Variants in TRMT11 observed in about 807,000 individuals in gnomAD.
TRMT11 encodes tRNA (guanine(10)-N(2))-methyltransferase TRMT11.
TRMT11 carries 53 observed loss-of-function variants against 62.8 expected under a neutral mutation model. The observed-to-expected ratio is 0.84, with a 90% CI of 0.68 to 1.06. The LOEUF is 1.06. Ranked by LOEUF, TRMT11 falls within the 50% of genes least tolerant of loss-of-function variation. The pLI, the probability that TRMT11 is intolerant of heterozygous loss-of-function variation, is 0.00. For missense variants in TRMT11, 556 were observed against 553.4 expected (o/e 1.00, Z -0.05); for synonymous variants, 188 against 190.3 (o/e 0.99, Z 0.10).
intron 12 of TRMT11, among the ~76,000 whole-genome samples, chr6:126,022,126 C>T (rs550794048): frequency 6.7e-6 from 1 of 148,360 alleles, no homozygotes; most frequent in East Asian, 2.0e-4. Context: ...TCACTGCAAC[C>T]TCCACCTTCT....
intron 17 of TRMT11, among the ~76,000 whole-genome samples, chr6:126,068,638 A>C (rs1355375994): frequency 2.0e-5 from 3 of 152,306 alleles, no homozygotes. Context: ...AATCATTGTA[A>C]CTTTAGATGT....
intron 21 of TRMT11, among the ~76,000 whole-genome samples, chr6:126,126,173 C>A (rs1777716399): frequency 6.6e-6 from 1 of 151,984 alleles, no homozygotes. Flanking sequence ...AATGGCAGTG[C>A]TATTTAAAAA....
intron 21 of TRMT11, among the ~76,000 whole-genome samples, chr6:126,124,035 T>C (rs189606865): frequency 2.0e-5 from 3 of 152,218 alleles, no homozygotes; most frequent in African/African-American, 7.2e-5. Context: ...TCTCTGAGTC[T>C]CTTTCTAGGT....
At chr6:126,027,680 A>C (rs1331008482) in intron 12 of TRMT11, among the ~76,000 whole-genome samples, 1 of 152,188 alleles carries the variant, frequency 6.6e-6, no homozygotes, top group East Asian at 1.9e-4. Context: ...ATTATTTAAA[A>C]GAGGAATACT....
At chr6:126,177,854 A>G (rs1356796299) in intron 1 of TRMT11, among the ~76,000 whole-genome samples, 1 of 152,102 alleles carries the variant, frequency 6.6e-6, no homozygotes, top group Non-Finnish European at 1.5e-5. Context: ...GCCTCTCTCA[A>G]TGCAAATATA....
the TRMT11 span, among the ~76,000 whole-genome samples, chr6:126,219,674 G>A: frequency 6.6e-6 from 1 of 152,160 alleles, no homozygotes; most frequent in Admixed American, 6.5e-5. Context: ...CAGAGTTGCA[G>A]TTTTCTGTGT....
At chr6:126,226,757 C>A in the TRMT11 span, among the ~76,000 whole-genome samples, 3 of 152,268 alleles carry the variant, frequency 2.0e-5, no homozygotes, top group East Asian at 5.8e-4. Context: ...TTAAAATATA[C>A]ATTTTTAATG....
At chr6:126,230,675 TAGG>T in the TRMT11 span, among the ~76,000 whole-genome samples, 5 of 152,206 alleles carry the variant, frequency 3.3e-5, no homozygotes, top group African/African-American at 4.8e-5. Context: ...ATATTTTTAC[TAGG>T]AGGAGAAGAT....
chr6:126,107,261 T>C (rs1777474738), intron 17 of TRMT11, among the ~76,000 whole-genome samples: 1 of 152,224 alleles, frequency 6.6e-6, no homozygotes, highest in African/African-American at 2.4e-5. Context: ...TTGTTGGTTA[T>C]GACTTTGCCT....
chr6:126,033,937 C>G (rs529315147), intron 12 of TRMT11, among the ~76,000 whole-genome samples: 1 of 152,214 alleles, frequency 6.6e-6, no homozygotes, highest in Admixed American at 6.5e-5. Flanking sequence ...ACTGATAGGA[C>G]AGGAAATTGG....
chr6:126,154,697 A>G (rs1478325674), intron 21 of TRMT11, among the ~76,000 whole-genome samples: 1 of 152,182 alleles, frequency 6.6e-6, no homozygotes, highest in African/African-American at 2.4e-5. Context: ...CCTCAGTGGC[A>G]TCTGGGAACA....
intron 17 of TRMT11, among the ~76,000 whole-genome samples, chr6:126,089,962 G>C (rs1291288798): frequency 1.3e-5 from 2 of 152,190 alleles, no homozygotes; most frequent in African/African-American, 4.8e-5. Context: ...TTCAACTCCT[G>C]GTTCTTGAAC....
intron 1 of TRMT11, among the ~76,000 whole-genome samples, chr6:126,191,342 T>C (rs913197110): frequency 6.6e-5 from 10 of 152,146 alleles, no homozygotes; most frequent in Non-Finnish European, 1.5e-4. Context: ...ATTCTGGTTA[T>C]TAACCCCTTG....
chr6:126,039,704 A>G (rs1221780144), downstream of TRMT11, among the ~76,000 whole-genome samples: 1 of 152,044 alleles, frequency 6.6e-6, no homozygotes, highest in Non-Finnish European at 1.5e-5. Context: ...CACTATACCC[A>G]TTAATTCAGG....
chr6:126,155,220 C>T lies in TRMT11; in HGVS notation c.*1824-19605C>T, dbSNP rs114640874. ...GAGCAGGCATTTTATATGGCAAGAG[C>T]GGGAGTAAGACTGGCAGGGAGGTGC... On this transcript the variant is annotated intron_variant and NMD_transcript_variant, in intron 21 of 22. Transcript: ENST00000648977. Among the ~76,000 whole-genome samples, 1,276 of 152,184 alleles carry T rather than the reference C, an allele frequency of 8.4e-3. 15 individuals carry two copies. Among genetic ancestry groups the T allele is most frequent in the African/African-American group, 0.03 (1,227 of 41,508 alleles).
the TRMT11 span, among the ~76,000 whole-genome samples, chr6:126,253,350 C>T: frequency 1.3e-5 from 2 of 152,134 alleles, no homozygotes; most frequent in Non-Finnish European, 2.9e-5. Context: ...AAGGATTTTC[C>T]TGAGGCTGTT....
intron 21 of TRMT11, among the ~76,000 whole-genome samples, chr6:126,155,223 G>A (rs1045234944): frequency 2.0e-5 from 3 of 152,162 alleles, no homozygotes; most frequent in Admixed American, 2.0e-4. Flanking sequence ...GCAAGAGCGG[G>A]AGTAAGACTG....
At chr6:126,102,499 T>C (rs937628391) in intron 17 of TRMT11, among the ~76,000 whole-genome samples, 1 of 134,394 alleles carries the variant, frequency 7.4e-6, no homozygotes, top group African/African-American at 3.3e-5. Flanking sequence ...AAGCTTTGTT[T>C]TGGACCTGGT....
chr6:126,230,050 G>T, the TRMT11 span, among the ~76,000 whole-genome samples: 88 of 152,016 alleles, frequency 5.8e-4, no homozygotes, highest in Non-Finnish European at 1.2e-3. Flanking sequence ...ATGCTGGACC[G>T]CCATTAGCTT....
Sources: allele counts gnomAD v4.1 joint callset (sites outside exome capture counted in the v4.1 genomes callset), GRCh38; gene constraint gnomAD v4.1.1; transcripts MANE v1.5; gene names NCBI Gene and HGNC (gene_info 2026-07-23, HGNC 2026-07-21).